Variants in RAP1A observed in about 807,000 individuals in gnomAD.
RAP1A encodes the protein ras-related protein Rap-1A.
RAP1A carries 6 observed loss-of-function variants against 26.4 expected under a neutral mutation model. That is an observed-to-expected ratio of 0.23 (90% CI 0.12 to 0.45). The LOEUF is 0.45. Ranked by LOEUF, RAP1A falls within the 20% of genes least tolerant of loss-of-function variation. RAP1A has a pLI of 0.99. For missense variants in RAP1A, 121 were observed against 217.2 expected (o/e 0.56, Z 2.78); for synonymous variants, 73 against 79.4 (o/e 0.92, Z 0.43).
intron 1 of RAP1A, among the ~76,000 whole-genome samples, chr1:111,661,310 G>C (rs915944633): frequency 6.6e-6 from 1 of 152,146 alleles, no homozygotes; most frequent in Non-Finnish European, 1.5e-5. Context: ...GCTTCATTAT[G>C]AATATATTGG....
intron 1 of RAP1A, among the ~76,000 whole-genome samples, chr1:111,557,195 T>G (rs1378226531): frequency 6.6e-6 from 1 of 152,162 alleles, no homozygotes; most frequent in East Asian, 1.9e-4. Flanking sequence ...TGGAAAAGCA[T>G]CATTTCTTCA....
intron 1 of RAP1A, among the ~76,000 whole-genome samples, chr1:111,687,881 G>T (rs1397864181): frequency 6.6e-6 from 1 of 151,970 alleles, no homozygotes; most frequent in African/African-American, 2.4e-5. Context: ...GCCAAGTGTG[G>T]TGGTGCACTC....
chr1:111,652,179 G>A (rs1451236958), intron 1 of RAP1A, among the ~76,000 whole-genome samples: 2 of 151,804 alleles, frequency 1.3e-5, no homozygotes, highest in Non-Finnish European at 2.9e-5. Flanking sequence ...TCGCCATATT[G>A]GCCAGTCTCG....
At chr1:111,692,490 T>C (rs1327984209) in intron 2 of RAP1A, among the ~76,000 whole-genome samples, 1 of 152,182 alleles carries the variant, frequency 6.6e-6, no homozygotes, top group Non-Finnish European at 1.5e-5. Flanking sequence ...AACTTTCAAT[T>C]CAGCGATTCC....
rs1000145265 is a variant in RAP1A, at chr1:111,715,801, A to G, written c.*3400A>G. 1.3e-5 allele frequency: 2 copies of G among 152,268 alleles called. No homozygotes were observed. The highest frequency in any genetic ancestry group is 2.4e-5 in the African/African-American group (1 of 41,472). The allele number at this position is 152,268 out of a possible 1,614,324, so 9.4% of individuals were successfully genotyped here. ...AAACAGGCTTGGAACATTTTTCTCC[A>G]TAGAAGAATAGTAATAAGACATTCT... On this transcript the variant is annotated 3_prime_UTR_variant, in exon 8 of 8. Coordinates refer to ENST00000369709, the MANE Select transcript of RAP1A (RefSeq NM_002884.4).
intron 1 of RAP1A, among the ~76,000 whole-genome samples, chr1:111,687,214 T>C (rs1284859197): frequency 8.0e-5 from 12 of 150,860 alleles, no homozygotes; most frequent in Non-Finnish European, 8.9e-5. Flanking sequence ...TTGAATTTTT[T>C]TTTTTTTTTT....
At chr1:111,653,595 A>C (rs745875258) in intron 1 of RAP1A, among the ~76,000 whole-genome samples, 24 of 151,136 alleles carry the variant, frequency 1.6e-4, no homozygotes, top group Non-Finnish European at 3.2e-4. Context: ...GAGGCAGGAG[A>C]ATCCTTGAAC....
At chr1:111,712,320 C>T (rs1662409150) in intron 7 of RAP1A, 111 bp from the exon 8 acceptor site, 1 of 152,240 alleles carries the variant, frequency 6.6e-6, no homozygotes, top group South Asian at 2.1e-4. Flanking sequence ...AAGTTATGAT[C>T]AGCTAAAATC....
At chr1:111,602,922 T>C (rs908439102) in intron 1 of RAP1A, among the ~76,000 whole-genome samples, 1 of 152,190 alleles carries the variant, frequency 6.6e-6, no homozygotes, top group Non-Finnish European at 1.5e-5. Flanking sequence ...TGCATCATTA[T>C]CAAGGGAGGA....
intron 1 of RAP1A, among the ~76,000 whole-genome samples, chr1:111,576,399 T>C (rs1397913574): frequency 6.6e-6 from 1 of 152,196 alleles, no homozygotes; most frequent in African/African-American, 2.4e-5. Context: ...CACTTAAGTA[T>C]ATATATAATA....
At chr1:111,630,881 A>G (rs1571510631) in intron 1 of RAP1A, among the ~76,000 whole-genome samples, 1 of 152,306 alleles carries the variant, frequency 6.6e-6, no homozygotes, top group Middle Eastern at 3.4e-3. Context: ...GCAACTTGTG[A>G]ATTTGAAGAT....
chr1:111,556,361 A>G (rs1470597286), intron 1 of RAP1A, among the ~76,000 whole-genome samples: 2 of 152,206 alleles, frequency 1.3e-5, no homozygotes, highest in East Asian at 3.8e-4. Flanking sequence ...ATAAAATAGT[A>G]TGGCAGTTTC....
At chr1:111,557,527 G>A (rs77343607) in intron 1 of RAP1A, among the ~76,000 whole-genome samples, 16,035 of 151,622 alleles carry the variant, frequency 0.11, 2,156 homozygotes, top group African/African-American at 0.31. Context: ...TCCAGCCTGG[G>A]CAATAGAGTG....
chr1:111,563,908 C>T, intron 1 of RAP1A: 1 of 1,613,962 alleles, frequency 6.2e-7, no homozygotes, highest in Non-Finnish European at 8.5e-7. Flanking sequence ...AGCTTTCCCA[C>T]CTGGCCTCCT....
intron 1 of RAP1A, among the ~76,000 whole-genome samples, chr1:111,607,003 T>TTTTATTTATTTATTTA (rs370268151): frequency 2.1e-4 from 30 of 145,784 alleles, no homozygotes; most frequent in South Asian, 1.1e-3. Context: ...ATTCATTTTC[T>TTTTATTTATTTATTTA]TTTATTTATT....
chr1:111,685,446 A>G (rs570558936), intron 1 of RAP1A, among the ~76,000 whole-genome samples: 6 of 152,168 alleles, frequency 3.9e-5, no homozygotes, highest in Admixed American at 3.3e-4. Context: ...AAACAACCTC[A>G]TCAAAAAATA....
intron 7 of RAP1A, among the ~76,000 whole-genome samples, chr1:111,709,611 A>G (rs1031211849): frequency 6.6e-6 from 1 of 152,164 alleles, no homozygotes; most frequent in Non-Finnish European, 1.5e-5. Context: ...TGCTCTGAAA[A>G]AGTTTAAGTG....
At chr1:111,656,159 A>T (rs1287981542) in intron 1 of RAP1A, among the ~76,000 whole-genome samples, 3 of 151,830 alleles carry the variant, frequency 2.0e-5, no homozygotes, top group African/African-American at 7.3e-5. Flanking sequence ...CTGTACATTT[A>T]TTGCAATATC....
chr1:111,576,471 A>T (rs983118605), intron 1 of RAP1A, among the ~76,000 whole-genome samples: 7 of 152,372 alleles, frequency 4.6e-5, no homozygotes, highest in African/African-American at 1.4e-4. Context: ...TTCCTGAAGG[A>T]AGAAAGGAAG....
Sources: allele counts gnomAD v4.1 joint callset (sites outside exome capture counted in the v4.1 genomes callset), GRCh38; gene constraint gnomAD v4.1.1; transcripts MANE v1.5; gene names NCBI Gene and HGNC (gene_info 2026-07-23, HGNC 2026-07-21).